Variants in DLG1 observed in about 807,000 individuals in gnomAD.
DLG1 encodes discs large MAGUK scaffold protein 1.
DLG1 carries 42 observed loss-of-function variants against 123.4 expected under a neutral mutation model. The observed-to-expected ratio is 0.34, with a 90% CI of 0.27 to 0.44. The LOEUF (loss-of-function observed/expected upper bound fraction) is 0.44, where lower values mean the gene tolerates loss of function less well. Ranked by LOEUF, DLG1 falls within the 20% of genes least tolerant of loss-of-function variation. The probability of loss-of-function intolerance (pLI) is 1.00; values close to 1 mark genes in which losing one functional copy is unlikely to be tolerated. For synonymous variants in DLG1, 317 were observed against 356.2 expected, an observed-to-expected ratio of 0.89 and a Z score of 1.24; for missense variants, 942 against 1,082.6, an observed-to-expected ratio of 0.87 and a Z score of 1.82.
At chr3:197,262,445 T>C (rs1759827624) in intron 4 of DLG1, among the ~76,000 whole-genome samples, 1 of 152,170 alleles carries the variant, frequency 6.6e-6, no homozygotes, top group Non-Finnish European at 1.5e-5. Flanking sequence ...ATAACATCTT[T>C]TATAATAAAC....
chr3:197,213,527 C>T (rs1732387224), intron 4 of DLG1, among the ~76,000 whole-genome samples: 1 of 152,118 alleles, frequency 6.6e-6, no homozygotes, highest in African/African-American at 2.4e-5. Context: ...AAACTGTACG[C>T]TTTACACAGA....
chr3:197,073,635 T>C (rs1745430746), intron 18 of DLG1, among the ~76,000 whole-genome samples: 1 of 152,230 alleles, frequency 6.6e-6, no homozygotes, highest in African/African-American at 2.4e-5. Context: ...TTTTCTCTAC[T>C]GTTAACAGGG....
intron 17 of DLG1, 148 bp downstream of exon 17, chr3:197,080,903 C>T (rs964437067): frequency 3.4e-5 from 20 of 590,196 alleles, no homozygotes; most frequent in Non-Finnish European, 4.8e-5. Context: ...GAAATGGGTG[C>T]TTGAATTTAA....
At chr3:197,176,330 C>G (rs1807069530) in intron 5 of DLG1, among the ~76,000 whole-genome samples, 1 of 151,420 alleles carries the variant, frequency 6.6e-6, no homozygotes, top group Non-Finnish European at 1.5e-5. Context: ...ATCACAAAGT[C>G]CATAATTTAC....
chr3:197,084,932 G>A (rs1169180390), intron 16 of DLG1, among the ~76,000 whole-genome samples: 3 of 151,446 alleles, frequency 2.0e-5, no homozygotes, highest in East Asian at 3.9e-4. Context: ...GACTACAGGC[G>A]TGTGCCTCCA....
chr3:197,115,868 G>A, intron 13 of DLG1, 59 bp downstream of exon 13: 1 of 1,539,720 alleles, frequency 6.5e-7, no homozygotes, highest in Non-Finnish European at 8.8e-7. Flanking sequence ...AGAAGACCTT[G>A]CTTTAAAAAT....
At chr3:197,298,847 A>G, upstream of DLG1, 1 of 362,982 alleles carries the variant, frequency 2.8e-6, no homozygotes, top group Non-Finnish European at 4.9e-6. Context: ...TTAACTTGGC[A>G]AGAGTTTGAG....
intron 3 of DLG1, among the ~76,000 whole-genome samples, chr3:197,291,536 T>C (rs887658756): frequency 5.9e-5 from 9 of 152,248 alleles, no homozygotes; most frequent in Non-Finnish European, 1.0e-4. Context: ...GTGACAATCA[T>C]TTAAAGATTA....
At chr3:197,183,397 A>G (rs1334670718) in intron 5 of DLG1, among the ~76,000 whole-genome samples, 1 of 152,196 alleles carries the variant, frequency 6.6e-6, no homozygotes, top group Non-Finnish European at 1.5e-5. Flanking sequence ...ATAAGGAAAA[A>G]TATTTCTTGT....
At chr3:197,278,109 AC>A (rs1307830435) in intron 4 of DLG1, among the ~76,000 whole-genome samples, 3 of 151,536 alleles carry the variant, frequency 2.0e-5, no homozygotes, top group Admixed American at 2.0e-4. Flanking sequence ...ACATGGTGAA[AC>A]CCCATCTCTA....
At chr3:197,276,222 C>G (rs548361804) in intron 4 of DLG1, among the ~76,000 whole-genome samples, 1 of 152,174 alleles carries the variant, frequency 6.6e-6, no homozygotes, top group African/African-American at 2.4e-5. Flanking sequence ...ATGTGTTTAT[C>G]CGATCTCTTA....
chr3:197,048,659 CTATTAT>C (rs1410847375), intron 24 of DLG1, among the ~76,000 whole-genome samples: 1 of 151,964 alleles, frequency 6.6e-6, no homozygotes, highest in Admixed American at 6.6e-5. Flanking sequence ...ATTATTATTA[CTATTAT>C]TATTTTTGAG....
chr3:197,076,728 T>C (rs1747518096), intron 17 of DLG1, 43 bp from the exon 18 acceptor site: 3 of 1,495,044 alleles, frequency 2.0e-6, no homozygotes, highest in Non-Finnish European at 2.8e-6. Context: ...ATGTCTACTG[T>C]CTGTGTGTAC....
intron 7 of DLG1, among the ~76,000 whole-genome samples, chr3:197,141,043 G>T (rs1787688669): frequency 6.6e-6 from 1 of 152,126 alleles, no homozygotes; most frequent in African/African-American, 2.4e-5. Context: ...TTAACCAATG[G>T]TATTAAAAAA....
chr3:197,239,772 A>T (rs1177594392), intron 4 of DLG1, among the ~76,000 whole-genome samples: 1 of 151,176 alleles, frequency 6.6e-6, no homozygotes, highest in African/African-American at 2.4e-5. Context: ...AAATATACAG[A>T]GCCGATGTTA....
intron 14 of DLG1, among the ~76,000 whole-genome samples, chr3:197,104,457 G>A (rs1259918070): frequency 3.3e-5 from 5 of 152,060 alleles, no homozygotes; most frequent in African/African-American, 4.8e-5. Context: ...TGAGGTGGGC[G>A]GATCGCCTGA....
chr3:197,087,775 G>A (rs1560571930), intron 15 of DLG1, among the ~76,000 whole-genome samples: 1 of 152,144 alleles, frequency 6.6e-6, no homozygotes, highest in African/African-American at 2.4e-5. Flanking sequence ...AATTAGAAGT[G>A]TACAGTAGTA....
At chr3:197,067,649 C>T (rs898508716) in intron 19 of DLG1, among the ~76,000 whole-genome samples, 3 of 150,064 alleles carry the variant, frequency 2.0e-5, no homozygotes, top group African/African-American at 7.5e-5. Context: ...CCTCCAACTC[C>T]CGGGTTCAAG....
intron 5 of DLG1, among the ~76,000 whole-genome samples, chr3:197,181,746 C>T (rs929914306): frequency 6.6e-6 from 1 of 150,802 alleles, no homozygotes; most frequent in Non-Finnish European, 1.5e-5. Flanking sequence ...CCTAATACTC[C>T]TATTTCTAGA....
Sources: allele counts gnomAD v4.1 joint callset (sites outside exome capture counted in the v4.1 genomes callset), GRCh38; gene constraint gnomAD v4.1.1; transcripts MANE v1.5; gene names NCBI Gene and HGNC (gene_info 2026-07-23, HGNC 2026-07-21).